Variants in MLLT10 observed in about 807,000 individuals in gnomAD.
The protein encoded by MLLT10 is protein AF-10.
A neutral mutation model predicts 129.1 loss-of-function variants in MLLT10; 30 were observed. The ratio of observed to expected loss-of-function variants is 0.23; its 90% CI spans 0.17 to 0.32. The LOEUF (loss-of-function observed/expected upper bound fraction) is 0.32, where lower values mean the gene tolerates loss of function less well. Among genes scored for constraint, MLLT10 ranks in the 10% least tolerant of loss-of-function variants. MLLT10 has a pLI of 1.00. For synonymous variants in MLLT10, 490 were observed against 446.4 expected, an observed-to-expected ratio of 1.10 and a Z score of -1.23; for missense variants, 1,119 against 1,268.3, an observed-to-expected ratio of 0.88 and a Z score of 1.79.
chr10:21,651,210 T>A (rs2049000816), intron 8 of MLLT10, among the ~76,000 whole-genome samples: 1 of 152,124 alleles, frequency 6.6e-6, no homozygotes, highest in Non-Finnish European at 1.5e-5. Flanking sequence ...TAGCTGGGAT[T>A]ACAGGTGCAC....
chr10:21,548,065 T>C (rs1428495983), intron 3 of MLLT10, among the ~76,000 whole-genome samples: 1 of 152,110 alleles, frequency 6.6e-6, no homozygotes, highest in Non-Finnish European at 1.5e-5. Flanking sequence ...ATTATTTTGC[T>C]CTCTTGGAAG....
At chr10:21,695,944 G>T (rs1307277209) in intron 13 of MLLT10, among the ~76,000 whole-genome samples, 2 of 145,866 alleles carry the variant, frequency 1.4e-5, no homozygotes, top group Non-Finnish European at 3.0e-5. Flanking sequence ...TGATTTTTGT[G>T]TGTGGGTTTT....
At chr10:21,599,495 G>A (rs12249032) in intron 5 of MLLT10, among the ~76,000 whole-genome samples, 1 of 152,006 alleles carries the variant, frequency 6.6e-6, no homozygotes, top group Non-Finnish European at 1.5e-5. Flanking sequence ...ACAAAACAGG[G>A]TTCATTTTAA....
At chr10:21,546,307 G>T (rs921690485) in intron 3 of MLLT10, among the ~76,000 whole-genome samples, 3 of 151,990 alleles carry the variant, frequency 2.0e-5, no homozygotes, top group South Asian at 2.1e-4. Context: ...TGAACTCCTG[G>T]GCTCTAGTAG....
chr10:21,625,003 A>G, intron 8 of MLLT10: 1 of 1,056,366 alleles, frequency 9.5e-7, no homozygotes, highest in South Asian at 1.5e-5. Context: ...CTTACTGCAT[A>G]GCCACCATCA....
At chr10:21,549,278 C>A (rs2036593162) in intron 3 of MLLT10, among the ~76,000 whole-genome samples, 1 of 152,088 alleles carries the variant, frequency 6.6e-6, no homozygotes, top group African/African-American at 2.4e-5. Context: ...CATGTGCCAC[C>A]ACTCCTGGCG....
chr10:21,741,487 ATT>A (rs1278930207), intron 22 of MLLT10, among the ~76,000 whole-genome samples: 2 of 152,188 alleles, frequency 1.3e-5, no homozygotes, highest in Non-Finnish European at 1.5e-5. Context: ...ATACAGTGAC[ATT>A]TGTGATTTCA....
chr10:21,644,464 G>GGC (rs2048298830), intron 8 of MLLT10, among the ~76,000 whole-genome samples: 1 of 151,982 alleles, frequency 6.6e-6, no homozygotes, highest in African/African-American at 2.4e-5. Context: ...TGGGAGGAGG[G>GGC]GCGCAGTATA....
intron 5 of MLLT10, among the ~76,000 whole-genome samples, chr10:21,603,779 C>G (rs1301840291): frequency 5.3e-5 from 8 of 151,746 alleles, no homozygotes; most frequent in Non-Finnish European, 8.8e-5. Flanking sequence ...TTCCATGCTT[C>G]CTAGCTTCTA....
intron 21 of MLLT10, among the ~76,000 whole-genome samples, chr10:21,737,032 G>C (rs1291200947): frequency 1.4e-4 from 22 of 152,150 alleles, no homozygotes; most frequent in Admixed American, 1.4e-3. Flanking sequence ...AGAAAGGGAG[G>C]AGTCAACTGT....
intron 14 of MLLT10, among the ~76,000 whole-genome samples, chr10:21,725,188 A>G (rs1205251834): frequency 6.6e-6 from 1 of 152,234 alleles, no homozygotes; most frequent in Non-Finnish European, 1.5e-5. Flanking sequence ...TAGCTAAAAT[A>G]CTAGAAGTAA....
In MLLT10 at chr10:21,670,607, G is replaced by C; in HGVS notation, c.954G>C (p.Lys318Asn). 6.2e-7 allele frequency: 1 copy of C among 1,614,152 alleles called. No individual in the cohort carries two copies. Among genetic ancestry groups the C allele is most frequent in the Non-Finnish European group, 8.5e-7 (1 of 1,180,020 alleles). Residue 318 changes from lysine (K) to asparagine (N), a missense_variant, in exon 10 of 23, where the codon AAG becomes AAC. Physicochemically the swap from Lys to Asn is moderately conservative, Grantham distance 94. Transcript: ENST00000307729. ...CTAGAGGGTCAGAGGGCAAAGGGAA[G>C]AAATCTTCAGCTCACAGCTCAGGTC... ...SETRGSEGKG[K>N]KSSAHSSGQR... is the part of the protein sequence containing the mutation.
At chr10:21,646,253 TAGCTTCTTTACGGGGAA>T (rs1046833787) in intron 8 of MLLT10, among the ~76,000 whole-genome samples, 17 of 152,156 alleles carry the variant, frequency 1.1e-4, no homozygotes, top group African/African-American at 3.9e-4. Context: ...TAACTGTCTT[TAGCTTCTTTACGGGGAA>T]AGCAGTTCAT....
At chr10:21,695,769 T>A (rs1468271808) in intron 13 of MLLT10, among the ~76,000 whole-genome samples, 1 of 152,136 alleles carries the variant, frequency 6.6e-6, no homozygotes, top group Non-Finnish European at 1.5e-5. Context: ...CACCACCCTG[T>A]CCCTTCTTAT....
At chr10:21,738,596 C>G in intron 21 of MLLT10, 3 of 1,213,120 alleles carry the variant, frequency 2.5e-6, no homozygotes, top group Non-Finnish European at 3.2e-6. Context: ...ACAGCTTCCG[C>G]TCGACACTCT....
intron 13 of MLLT10, among the ~76,000 whole-genome samples, chr10:21,695,366 A>G (rs2054265609): frequency 6.6e-6 from 1 of 152,122 alleles, no homozygotes; most frequent in Non-Finnish European, 1.5e-5. Flanking sequence ...TTTGTTTCCA[A>G]GTCAGCTAAC....
At chr10:21,579,993 C>A (rs1246669538) in intron 3 of MLLT10, among the ~76,000 whole-genome samples, 2 of 149,816 alleles carry the variant, frequency 1.3e-5, no homozygotes, top group African/African-American at 2.5e-5. Context: ...TTAAAAAATT[C>A]TTTGTTTTTT....
chr10:21,695,867 T>A (rs2054308589), intron 13 of MLLT10, among the ~76,000 whole-genome samples: 1 of 147,160 alleles, frequency 6.8e-6, no homozygotes, highest in African/African-American at 2.7e-5. Flanking sequence ...ACTTTTTACC[T>A]CCTATCCAGA....
At chr10:21,605,245 C>T (rs1564493655) in intron 5 of MLLT10, among the ~76,000 whole-genome samples, 2 of 152,276 alleles carry the variant, frequency 1.3e-5, no homozygotes, top group East Asian at 3.9e-4. Flanking sequence ...GTTGTTTAGT[C>T]TCATGATGGC....
Sources: allele counts gnomAD v4.1 joint callset (sites outside exome capture counted in the v4.1 genomes callset), GRCh38; gene constraint gnomAD v4.1.1; transcripts MANE v1.5; gene names NCBI Gene and HGNC (gene_info 2026-07-23, HGNC 2026-07-21).